ZNF737: variants seen among roughly 807,000 people sequenced by gnomAD.
The protein encoded by ZNF737 is zinc finger protein 102 (Y3).
ZNF737 carries 13 observed loss-of-function variants against 11.7 expected under a neutral mutation model. The ratio of observed to expected loss-of-function variants is 1.11; its 90% CI spans 0.73 to 1.77. ZNF737 has a LOEUF of 1.77. Among genes scored for constraint, ZNF737 ranks in the 40% most tolerant of loss-of-function variants. The probability of loss-of-function intolerance (pLI) is 0.00; values close to 1 mark genes in which losing one functional copy is unlikely to be tolerated. For synonymous variants in ZNF737, 217 were observed against 216.2 expected (o/e 1.00, Z -0.03); for missense variants, 636 against 638.0 (o/e 1.00, Z 0.03).
downstream of ZNF737, among the ~76,000 whole-genome samples, chr19:20,537,511 A>ATTT (rs1163609628): frequency 0.16 from 11,955 of 76,930 alleles, 2,033 homozygotes; most frequent in Non-Finnish European, 0.18. Context: ...CTGGTTTTCT[A>ATTT]TTTTTTTTTT....
intron 1 of ZNF737, among the ~76,000 whole-genome samples, chr19:20,563,254 C>T (rs1204780039): frequency 3.4e-5 from 5 of 148,450 alleles, no homozygotes; most frequent in African/African-American, 1.2e-4. Context: ...ATAAAGCCTC[C>T]TTCTATGGCT....
chr19:20,544,847 G>A lies in ZNF737; in HGVS notation c.1356C>T (p.Pro452=). Residue 452 remains proline (P), a synonymous_variant, in exon 4 of 4, where the codon CCC becomes CCT. Coordinates refer to ENST00000427401, the MANE Select transcript of ZNF737 (RefSeq NM_001159293.2). ...THKRIHTGEK[P]YKCEECGKAF... is the part of the protein sequence containing the mutation. ...CTTTGCCACATTCTTCACATTTGTA[G>A]GGTTTCTCTCCAGTATGAATTCTCT... 1 of 1,613,688 alleles carries A rather than the reference G, an allele frequency of 6.2e-7. No homozygotes were observed. The highest frequency in any genetic ancestry group is 8.5e-7 in the Non-Finnish European group (1 of 1,179,878).
chr19:20,559,448 A>C (rs1267910117), intron 1 of ZNF737, among the ~76,000 whole-genome samples: 1 of 150,498 alleles, frequency 6.6e-6, no homozygotes, highest in Non-Finnish European at 1.5e-5. Context: ...TAATCACGGG[A>C]GAAATTAAAA....
At chr19:20,552,434 T>TA in intron 3 of ZNF737, 41 bp downstream of exon 3, 1 of 1,446,448 alleles carries the variant, frequency 6.9e-7, no homozygotes, top group Non-Finnish European at 9.3e-7. Context: ...TGGGACCTCT[T>TA]ATCTGTGTCG....
intron 3 of ZNF737, among the ~76,000 whole-genome samples, chr19:20,548,206 A>C (rs1288671976): frequency 6.6e-6 from 1 of 152,188 alleles, no homozygotes; most frequent in Non-Finnish European, 1.5e-5. Context: ...GATATAATTG[A>C]AAATCCATGT....
In ZNF737 at chr19:20,545,924, A is replaced by C; in HGVS notation, c.279T>G (p.Asp93Glu). 1 of 1,593,462 alleles carries C rather than the reference A, an allele frequency of 6.3e-7. No individual in the cohort carries two copies. ...RDLWPEQSIKDSFQKVTLRRY... is the reference protein window; with the variant it reads ...RDLWPEQSIKESFQKVTLRRY... ...TTCTCAGTGTCACTTTTTGGAAAGAATCTTTTATGCTCTGCTCTGGCCAAA... is the reference window on the plus strand; with the variant it reads ...TTCTCAGTGTCACTTTTTGGAAAGACTCTTTTATGCTCTGCTCTGGCCAAA... The change falls in exon 4 of 4, where the codon GAT becomes GAG. Residue 93 changes from aspartate (D) to glutamate (E), a missense_variant. Coordinates refer to ENST00000427401, the MANE Select transcript of ZNF737 (RefSeq NM_001159293.2).
downstream of ZNF737, among the ~76,000 whole-genome samples, chr19:20,533,732 T>C (rs139786752): frequency 5.5e-4 from 83 of 150,256 alleles, 4 homozygotes; most frequent in African/African-American, 2.0e-3. Flanking sequence ...TTGGTGTGCA[T>C]GGGCTATTTA....
intron 1 of ZNF737, among the ~76,000 whole-genome samples, chr19:20,563,043 G>A (rs1969157841): frequency 6.7e-6 from 1 of 149,838 alleles, no homozygotes; most frequent in Non-Finnish European, 1.5e-5. Context: ...AAATTAGTTG[G>A]TATTTTCTGC....
chr19:20,541,147 T>C lies in ZNF737; in HGVS notation c.*3445A>G, dbSNP rs576932913. 76 of 982,170 alleles carry C rather than the reference T, an allele frequency of 7.7e-5. No homozygotes were observed. The African/African-American group carries it at 1.3e-3, about 16-fold the overall frequency. 60.8% of individuals were successfully genotyped at this position (982,170 alleles called of 1,614,324 possible). On this transcript the variant is annotated 3_prime_UTR_variant, in exon 4 of 4. Transcript: ENST00000427401. Reference sequence around the variant, plus strand: ...TAAATTCAATACAAAGCAGAAAGTATAGATTTGCTTTCACCATTTTAAAAG... The same window carrying C: ...TAAATTCAATACAAAGCAGAAAGTACAGATTTGCTTTCACCATTTTAAAAG...
chr19:20,557,140 G>A (rs547850380), intron 1 of ZNF737, among the ~76,000 whole-genome samples: 25 of 152,164 alleles, frequency 1.6e-4, no homozygotes, highest in Non-Finnish European at 2.9e-5. Context: ...TGCAGGAATA[G>A]AAAACAAGTT....
chr19:20,558,340 A>C (rs1968966463), intron 1 of ZNF737, among the ~76,000 whole-genome samples: 1 of 152,002 alleles, frequency 6.6e-6, no homozygotes, highest in Non-Finnish European at 1.5e-5. Flanking sequence ...CTTCAGATGT[A>C]GACATCAGAA....
chr19:20,543,948 C>T lies in ZNF737; in HGVS notation c.*644G>A, dbSNP rs1163229707. ...TTCGAGACCAGCCTGGCAAACATGG[C>T]GAAGTCGCATCTCTACTAAAAATAA... On this transcript the variant is annotated 3_prime_UTR_variant, in exon 4 of 4. Transcript: ENST00000427401. 2.0e-5 allele frequency: 14 copies of T among 700,530 alleles called. No individual in the cohort carries two copies. Among genetic ancestry groups the T allele is most frequent in the Admixed American group, 6.3e-5 (1 of 15,898 alleles). The allele number at this position is 700,530 out of a possible 1,614,324, so 43.4% of individuals were successfully genotyped here. A position where few individuals can be genotyped will look rare whatever the true frequency, so the allele number is the denominator to read the frequency against.
chr19:20,562,185 A>G (rs1969122388), intron 1 of ZNF737, among the ~76,000 whole-genome samples: 1 of 151,918 alleles, frequency 6.6e-6, no homozygotes, highest in Non-Finnish European at 1.5e-5. Flanking sequence ...ATTTGTCTTC[A>G]GCGCTCAAAA....
chr19:20,538,553 T>C lies in ZNF737; in HGVS notation c.*6039A>G. Reference sequence around the variant, plus strand: ...CAGTGTACTCGTGGCAAAACTGCTTTCTGCAAAAAGTAAAAATGGCCTTGC... The same window carrying C: ...CAGTGTACTCGTGGCAAAACTGCTTCCTGCAAAAAGTAAAAATGGCCTTGC... On this transcript the variant is annotated 3_prime_UTR_variant, in exon 4 of 4. Transcript: ENST00000427401. 1 of 791,824 alleles carries C rather than the reference T, an allele frequency of 1.3e-6. No individual in the cohort carries two copies. Among genetic ancestry groups the C allele is most frequent in the Non-Finnish European group, 1.5e-6 (1 of 653,268 alleles). 49.0% of individuals were successfully genotyped at this position (791,824 alleles called of 1,614,324 possible).
rs781876718 is a variant in ZNF737 at position 20,545,269 on chromosome 19, G to T, written c.934C>A (p.Pro312Thr). 5 of 1,613,226 alleles carry T rather than the reference G, an allele frequency of 3.1e-6. No individual in the cohort carries two copies. Among genetic ancestry groups the T allele is most frequent in the Non-Finnish European group, 4.2e-6 (5 of 1,179,690 alleles). Residue 312 changes from proline (P) to threonine (T), a missense_variant, in exon 4 of 4, where the codon CCC (proline) becomes ACC (threonine). Coordinates refer to ENST00000427401, the MANE Select transcript of ZNF737 (RefSeq NM_001159293.2). Reference protein sequence around the residue: ...AHKIIHSGEKPYKCEECGKAF... With the variant: ...AHKIIHSGEKTYKCEECGKAF... The stretch of plus-strand genomic sequence containing the variant: ...TTGCCACATTCTTCACATTTGTAGG[G>T]TTTCTCTCCGCTATGAATTATCTTA...
Position 20,542,748 on chromosome 19 carries a change from C to T in ZNF737, c.*1844G>A, listed in dbSNP as rs979491386. 56 of 983,004 alleles carry T rather than the reference C, an allele frequency of 5.7e-5. No homozygotes were observed. The highest frequency in any genetic ancestry group is 6.5e-5 in the Non-Finnish European group (54 of 829,234). The allele number at this position is 983,004 out of a possible 1,614,324, so 60.9% of individuals were successfully genotyped here. A position where few individuals can be genotyped will look rare whatever the true frequency, so the allele number is the denominator to read the frequency against. On this transcript the variant is annotated 3_prime_UTR_variant, in exon 4 of 4. Coordinates refer to ENST00000427401, the MANE Select transcript of ZNF737 (RefSeq NM_001159293.2). ...TGCGTCTTACATTTTAATGTTCTTACTATTTTATAGAAAAAGTCATAATGT... is the reference window on the plus strand; with the variant it reads ...TGCGTCTTACATTTTAATGTTCTTATTATTTTATAGAAAAAGTCATAATGT...
chr19:20,543,640 T>G lies in ZNF737; in HGVS notation c.*952A>C. ...CACACTTGTAGGAGTTTTGCCAGTATGAATTATCCAACCTACAATCAAGAG... is the reference window on the plus strand; with the variant it reads ...CACACTTGTAGGAGTTTTGCCAGTAGGAATTATCCAACCTACAATCAAGAG... On this transcript the variant is annotated 3_prime_UTR_variant, in exon 4 of 4. Coordinates refer to ENST00000427401, the MANE Select transcript of ZNF737 (RefSeq NM_001159293.2). The G allele has an allele frequency of 1.0e-6, 1 of 985,494 alleles. No individual in the cohort carries two copies. Among genetic ancestry groups the G allele is most frequent in the East Asian group, 1.1e-4 (1 of 8,812 alleles). The allele number at this position is 985,494 out of a possible 1,614,324, so 61.0% of individuals were successfully genotyped here. A position where few individuals can be genotyped will look rare whatever the true frequency, so the allele number is the denominator to read the frequency against.
At chr19:20,551,174 C>T (rs562843721) in intron 3 of ZNF737, 9 of 152,326 alleles carry the variant, frequency 5.9e-5, no homozygotes, top group South Asian at 2.1e-4. Flanking sequence ...GCCTGTAATT[C>T]CAGTACTTTG....
rs527845003 is a variant in ZNF737 at position 20,540,197 on chromosome 19, C to T, written c.*4395G>A. ...CTTACAACATGTTCTACCTAGAAGTCACTTACTTTCAGGCCAGCAGGGGTG... is the reference window on the plus strand; with the variant it reads ...CTTACAACATGTTCTACCTAGAAGTTACTTACTTTCAGGCCAGCAGGGGTG... On this transcript the variant is annotated 3_prime_UTR_variant, in exon 4 of 4. Coordinates refer to ENST00000427401, the MANE Select transcript of ZNF737 (RefSeq NM_001159293.2). 3.2e-5 allele frequency: 31 copies of T among 979,252 alleles called. No homozygotes were observed. In the South Asian group the frequency reaches 1.4e-3, roughly 43 times the overall value. 60.7% of individuals were successfully genotyped at this position (979,252 alleles called of 1,614,324 possible).
Sources: gnomAD v4.1 joint callset for allele counts (sites outside exome capture counted in the v4.1 genomes callset) on GRCh38, gnomAD v4.1.1 for gene constraint, MANE v1.5 for transcripts, NCBI Gene and HGNC (gene_info 2026-07-23, HGNC 2026-07-21) for gene names.